The following RNF144A variants were observed in gnomAD, a reference collection of about 807,000 sequenced individuals.
The protein encoded by RNF144A is E3 ubiquitin-protein ligase RNF144A.
Under a neutral mutation model 38.7 loss-of-function variants are expected in RNF144A, and 11 were observed. The ratio of observed to expected loss-of-function variants is 0.28; its 90% CI spans 0.18 to 0.47. The LOEUF is 0.47. Among genes scored for constraint, RNF144A ranks in the 20% least tolerant of loss-of-function variants. The probability of loss-of-function intolerance (pLI) is 0.99; values close to 1 mark genes in which losing one functional copy is unlikely to be tolerated. For synonymous variants in RNF144A, 149 were observed against 143.9 expected, an observed-to-expected ratio of 1.04 and a Z score of -0.25; for missense variants, 316 against 377.2, an observed-to-expected ratio of 0.84 and a Z score of 1.34.
chr2:6,999,342 C>T (rs1425596790), intron 3 of RNF144A, among the ~76,000 whole-genome samples: 1 of 152,168 alleles, frequency 6.6e-6, no homozygotes, highest in African/African-American at 2.4e-5. Flanking sequence ...GCTTTGGTGG[C>T]GCCTTCCCCT....
intron 2 of RNF144A, among the ~76,000 whole-genome samples, chr2:6,963,592 A>C (rs1667476538): frequency 6.6e-6 from 1 of 152,220 alleles, no homozygotes; most frequent in Non-Finnish European, 1.5e-5. Context: ...ACAAAAGACT[A>C]TTACAAGAGA....
chr2:6,999,403 C>T (rs1460762356), intron 3 of RNF144A, among the ~76,000 whole-genome samples: 1 of 152,056 alleles, frequency 6.6e-6, no homozygotes, highest in African/African-American at 2.4e-5. Context: ...TGGGGAGGAG[C>T]CCTGAGTCTG....
chr2:6,920,192 C>T (rs2103265436), intron 1 of RNF144A, among the ~76,000 whole-genome samples: 1 of 152,326 alleles, frequency 6.6e-6, no homozygotes, highest in Non-Finnish European at 1.5e-5. Context: ...GCCCCACTGC[C>T]TACTTTTGTT....
intron 1 of RNF144A, among the ~76,000 whole-genome samples, chr2:6,935,860 A>G (rs915868534): frequency 1.3e-5 from 2 of 152,228 alleles, no homozygotes; most frequent in African/African-American, 4.8e-5. Flanking sequence ...CTTCTGAGGG[A>G]CATCCATGTC....
rs529976868 is a variant in RNF144A, at chr2:6,979,988, C to T, written c.-11-16928C>T. 1.1e-3 allele frequency among the ~76,000 whole-genome samples: 169 copies of T among 152,206 alleles called. 1 individual carries two copies. Among genetic ancestry groups the T allele is most frequent in the Middle Eastern group, 3.4e-3 (1 of 294 alleles). The stretch of plus-strand genomic sequence containing the variant: ...GGAAGCAGGCACCTTCTTCACAAGG[C>T]GGCAGGAGAGAGAGCACATGCAAGA... On this transcript the variant is annotated intron_variant, in intron 2 of 8. Coordinates refer to ENST00000320892, the MANE Select transcript of RNF144A (RefSeq NM_014746.6).
At chr2:7,007,566 C>G (rs1236016929) in intron 3 of RNF144A, among the ~76,000 whole-genome samples, 1 of 152,178 alleles carries the variant, frequency 6.6e-6, no homozygotes, top group Non-Finnish European at 1.5e-5. Flanking sequence ...TTTTAACCAC[C>G]CTCAACATAG....
chr2:7,047,379 T>C (rs187318673), downstream of RNF144A, among the ~76,000 whole-genome samples: 30 of 152,344 alleles, frequency 2.0e-4, no homozygotes, highest in Non-Finnish European at 3.8e-4. Context: ...AGAGGCTTAA[T>C]TGGACTTACA....
chr2:6,929,195 T>C (rs558519387), intron 1 of RNF144A, among the ~76,000 whole-genome samples: 1 of 152,364 alleles, frequency 6.6e-6, no homozygotes, highest in East Asian at 1.9e-4. Context: ...ACATAGAAAT[T>C]GTATTTAACC....
intron 1 of RNF144A, among the ~76,000 whole-genome samples, chr2:6,925,091 G>A (rs1052568734): frequency 5.3e-5 from 8 of 152,232 alleles, no homozygotes; most frequent in African/African-American, 1.4e-4. Context: ...GCCTAGGGCA[G>A]TGGCATCCAA....
chr2:6,964,936 T>G (rs1273826829), intron 2 of RNF144A, among the ~76,000 whole-genome samples: 1 of 152,004 alleles, frequency 6.6e-6, no homozygotes, highest in African/African-American at 2.4e-5. Flanking sequence ...ACCTGCGCAT[T>G]GTGCACATGT....
At chr2:7,048,513 C>T (rs1673394933), downstream of RNF144A, among the ~76,000 whole-genome samples, 2 of 152,170 alleles carry the variant, frequency 1.3e-5, no homozygotes, top group African/African-American at 4.8e-5. Context: ...TAGGAACACA[C>T]CTAGGCAGGG....
chr2:6,940,515 T>C (rs11679160), intron 1 of RNF144A, among the ~76,000 whole-genome samples: 51,338 of 152,066 alleles, frequency 0.34, 8,976 homozygotes, highest in South Asian at 0.41. Flanking sequence ...GTTTTGCCTT[T>C]TTTTTCATTA....
In RNF144A at chr2:6,943,037, A is replaced by G. The variant is rs535351575; in HGVS notation, c.-12+1890A>G. On this transcript the variant is annotated intron_variant, in intron 2 of 8. Coordinates refer to ENST00000320892, the MANE Select transcript of RNF144A (RefSeq NM_014746.6). This position sits in a 1 kb window ranked among gnomAD's most constrained non-coding sequence, Gnocchi z 4.3. ...TTTTGAACTTGCTGAGTGTGAGAAGATTATAAGCCACCCACATGGAGACAC... is the reference window on the plus strand; with the variant it reads ...TTTTGAACTTGCTGAGTGTGAGAAGGTTATAAGCCACCCACATGGAGACAC... Among the ~76,000 whole-genome samples, 2 of 152,330 alleles carry G rather than the reference A, an allele frequency of 1.3e-5. No individual in the cohort carries two copies. Among genetic ancestry groups the G allele is most frequent in the South Asian group, 2.1e-4 (1 of 4,822 alleles).
chr2:7,061,031 G>A (rs1208957055), intron 6 of RNF144A, among the ~76,000 whole-genome samples: 1 of 152,106 alleles, frequency 6.6e-6, no homozygotes, highest in East Asian at 1.9e-4. Context: ...TGGAATCAAA[G>A]GGAAATAAAG....
intron 1 of RNF144A, among the ~76,000 whole-genome samples, chr2:6,935,359 C>T (rs945785149): frequency 6.6e-6 from 1 of 152,236 alleles, no homozygotes; most frequent in African/African-American, 2.4e-5. Flanking sequence ...ATCTGGACAT[C>T]TAGCATCCCA....
intron 6 of RNF144A, among the ~76,000 whole-genome samples, chr2:7,050,722 G>A (rs1222321972): frequency 6.6e-6 from 1 of 152,210 alleles, no homozygotes; most frequent in Non-Finnish European, 1.5e-5. Context: ...AGGGAATGGA[G>A]AGCAACAGTC....
At chr2:7,029,332 A>G (rs191875655) in intron 7 of RNF144A, among the ~76,000 whole-genome samples, 1 of 152,316 alleles carries the variant, frequency 6.6e-6, no homozygotes, top group East Asian at 1.9e-4. Flanking sequence ...CCCTCACGCC[A>G]GTGGGTAGTC....
In RNF144A at chr2:7,043,294, C is replaced by T; in HGVS notation, c.*3534C>T. 1 of 985,270 alleles carries T rather than the reference C, an allele frequency of 1.0e-6. No homozygotes were observed. The highest frequency in any genetic ancestry group is 1.2e-6 in the Non-Finnish European group (1 of 829,766). The allele number at this position is 985,270 out of a possible 1,614,324, so 61.0% of individuals were successfully genotyped here. ...GGGACTATCAGAGATGCAAAAATTA[C>T]TTCAAGATGAGTTTATTGTTTTCAT... On this transcript the variant is annotated 3_prime_UTR_variant, in exon 9 of 9. Transcript: ENST00000320892.
At chr2:6,995,610 G>A (rs2103388821) in intron 2 of RNF144A, among the ~76,000 whole-genome samples, 1 of 152,306 alleles carries the variant, frequency 6.6e-6, no homozygotes, top group South Asian at 2.1e-4. Flanking sequence ...GGAGTCCGAT[G>A]TTCGAGGGCA....
Sources: gnomAD v4.1 joint callset for allele counts (sites outside exome capture counted in the v4.1 genomes callset) on GRCh38, gnomAD v4.1.1 for gene constraint, Gnocchi (gnomAD v3.1) non-coding constraint, MANE v1.5 for transcripts, NCBI Gene and HGNC (gene_info 2026-07-23, HGNC 2026-07-21) for gene names.